ZRANB3: variants seen among roughly 807,000 people sequenced by gnomAD.
ZRANB3 encodes DNA annealing helicase and endonuclease ZRANB3.
Under a neutral mutation model 133.8 loss-of-function variants are expected in ZRANB3, and 125 were observed. That is an observed-to-expected ratio of 0.93 (90% CI 0.81 to 1.08). The LOEUF (loss-of-function observed/expected upper bound fraction) is 1.08. ZRANB3 is among the 50% of genes least tolerant of loss of function. The pLI is 0.00. For missense variants in ZRANB3, 1,229 were observed against 1,275.5 expected (o/e 0.96, Z 0.56); for synonymous variants, 387 against 432.7 (o/e 0.89, Z 1.31).
In ZRANB3 at chr2:135,520,413, C is replaced by CT. The variant is rs75698016; in HGVS notation, c.-8+10713dup. Among the ~76,000 whole-genome samples the CT allele has an allele frequency of 2.9e-3, 383 of 133,902 alleles. 2 individuals carry two copies. The highest frequency in any genetic ancestry group is 3.9e-3 in the Middle Eastern group (1 of 258). The allele number at this position is 133,902 out of a possible 152,430, so 87.8% of individuals were successfully genotyped here. ...CCACCTCAAAGAGAAAAAAGGATTT[C>CT]TTTTTTTTTTTTTTTTTGAGACAAA... On this transcript the variant is annotated intron_variant, in intron 1 of 20. Coordinates refer to ENST00000264159, the MANE Select transcript of ZRANB3 (RefSeq NM_032143.4).
At chr2:135,418,925 C>CTCTTTTTTTTTT (rs60788576) in intron 2 of ZRANB3, among the ~76,000 whole-genome samples, 3 of 85,882 alleles carry the variant, frequency 3.5e-5, no homozygotes, top group South Asian at 5.4e-4. Flanking sequence ...AGGATTCTCT[C>CTCTTTTTTTTTT]TTTTTTTTTT....
intron 3 of ZRANB3, among the ~76,000 whole-genome samples, chr2:135,387,086 G>A (rs1307416759): frequency 1.3e-5 from 2 of 151,820 alleles, no homozygotes; most frequent in African/African-American, 2.4e-5. Context: ...TGTTTCTAAA[G>A]CTAGGGAGAA....
At chr2:135,486,901 C>T (rs1022047208) in intron 2 of ZRANB3, among the ~76,000 whole-genome samples, 9 of 152,224 alleles carry the variant, frequency 5.9e-5, no homozygotes, top group African/African-American at 2.2e-4. Flanking sequence ...ACATTTTAAC[C>T]TCCTCCCATG....
intron 2 of ZRANB3, among the ~76,000 whole-genome samples, chr2:135,483,049 G>T (rs1691910166): frequency 6.6e-6 from 1 of 152,112 alleles, no homozygotes; most frequent in Admixed American, 6.5e-5. Flanking sequence ...TTGCATCAAT[G>T]TTCATCAAGG....
intron 15 of ZRANB3, among the ~76,000 whole-genome samples, chr2:135,219,848 C>T (rs1412063652): frequency 2.0e-5 from 3 of 151,996 alleles, no homozygotes; most frequent in Non-Finnish European, 2.9e-5. Flanking sequence ...TCCCATCAAT[C>T]GGTGCACAAC....
intron 9 of ZRANB3, among the ~76,000 whole-genome samples, chr2:135,273,614 C>T (rs1042222337): frequency 3.3e-5 from 5 of 152,010 alleles, no homozygotes; most frequent in Admixed American, 6.6e-5. Flanking sequence ...CAGCTCACTG[C>T]AACCTCTGCC....
At chr2:135,240,728 GC>G (rs1695515729) in intron 12 of ZRANB3, among the ~76,000 whole-genome samples, 2 of 152,148 alleles carry the variant, frequency 1.3e-5, no homozygotes, top group South Asian at 4.1e-4. Flanking sequence ...GCAGGAGCAT[GC>G]CACCATGCCT....
chr2:135,293,450 C>T (rs1423346620), intron 8 of ZRANB3, among the ~76,000 whole-genome samples: 8 of 151,960 alleles, frequency 5.3e-5, no homozygotes, highest in East Asian at 3.9e-4. Context: ...GATTTTGTAT[C>T]CTGAGACTTT....
chr2:135,275,431 G>A (rs1680760259), intron 9 of ZRANB3, among the ~76,000 whole-genome samples: 1 of 152,086 alleles, frequency 6.6e-6, no homozygotes, highest in East Asian at 1.9e-4. Flanking sequence ...GGAAAATTAT[G>A]AGATCAGTTA....
intron 2 of ZRANB3, among the ~76,000 whole-genome samples, chr2:135,443,115 C>CAAA (rs544885151): frequency 8.6e-6 from 1 of 116,104 alleles, no homozygotes; most frequent in Admixed American, 9.7e-5. Context: ...GACTCCATCT[C>CAAA]AAAAAAAAAA....
chr2:135,374,167 A>T (rs961395085), intron 3 of ZRANB3, among the ~76,000 whole-genome samples: 7 of 152,148 alleles, frequency 4.6e-5, no homozygotes, highest in African/African-American at 1.7e-4. Flanking sequence ...AGCACTTTGA[A>T]AGGCCAAGGT....
intron 2 of ZRANB3, among the ~76,000 whole-genome samples, chr2:135,421,938 C>T (rs1688870105): frequency 6.8e-6 from 1 of 147,134 alleles, no homozygotes; most frequent in Admixed American, 6.9e-5. Flanking sequence ...AAGGTTCTGG[C>T]CATGCAAAAT....
In ZRANB3 at chr2:135,214,420, T is replaced by A. The variant is rs59549809; in HGVS notation, c.2495+3045A>T. Among the ~76,000 whole-genome samples, 484 of 152,114 alleles carry A rather than the reference T, an allele frequency of 3.2e-3. 2 individuals carry two copies. Among genetic ancestry groups the A allele is most frequent in the African/African-American group, 0.01 (428 of 41,554 alleles). ...ATATAATTTTATAAATAATATTGTGTCTGACTTTGGTTTTATGAATTGACT... is the reference window on the plus strand; with the variant it reads ...ATATAATTTTATAAATAATATTGTGACTGACTTTGGTTTTATGAATTGACT... On this transcript the variant is annotated intron_variant, in intron 17 of 20. Transcript: ENST00000264159.
chr2:135,323,989 G>T (rs1050550250), intron 6 of ZRANB3, among the ~76,000 whole-genome samples: 5 of 151,938 alleles, frequency 3.3e-5, no homozygotes, highest in Non-Finnish European at 5.9e-5. Flanking sequence ...GGCTGGTCTC[G>T]AACTCCTGAC....
At chr2:135,511,270 C>G in intron 1 of ZRANB3, 1 of 1,023,244 alleles carries the variant, frequency 9.8e-7, no homozygotes, top group Non-Finnish European at 1.6e-6. Flanking sequence ...TGAGCATCCT[C>G]AGGAGCAGTT....
intron 1 of ZRANB3, among the ~76,000 whole-genome samples, chr2:135,512,759 GATTT>G (rs1177273604): frequency 3.3e-5 from 5 of 151,682 alleles, no homozygotes; most frequent in African/African-American, 4.8e-5. Flanking sequence ...AATGATAAAA[GATTT>G]ATTAGAAAAA....
At chr2:135,204,664 C>T (rs9677497) in intron 19 of ZRANB3, among the ~76,000 whole-genome samples, 2 of 134,458 alleles carry the variant, frequency 1.5e-5, no homozygotes, top group East Asian at 2.1e-4. Flanking sequence ...TATATATATA[C>T]ATATATATAT....
intron 2 of ZRANB3, among the ~76,000 whole-genome samples, chr2:135,491,416 C>T (rs1692368411): frequency 6.6e-6 from 1 of 152,176 alleles, no homozygotes; most frequent in African/African-American, 2.4e-5. Context: ...ACAATCTTGG[C>T]TCACTGCAAC....
At chr2:135,470,050 C>G (rs1176394527) in intron 2 of ZRANB3, among the ~76,000 whole-genome samples, 1 of 149,020 alleles carries the variant, frequency 6.7e-6, no homozygotes, top group Admixed American at 6.7e-5. Flanking sequence ...CTAGGTTGGG[C>G]ACGGTGATTC....
Sources: gnomAD v4.1 joint callset for allele counts (sites outside exome capture counted in the v4.1 genomes callset) on GRCh38, gnomAD v4.1.1 for gene constraint, MANE v1.5 for transcripts, NCBI Gene and HGNC (gene_info 2026-07-23, HGNC 2026-07-21) for gene names.